SMAD2: variants seen among roughly 807,000 people sequenced by gnomAD.
SMAD2 encodes the protein MAD homolog 2.
A neutral mutation model predicts 64.4 loss-of-function variants in SMAD2; 8 were observed. The observed-to-expected ratio is 0.12, with a 90% confidence interval of 0.07 to 0.22. SMAD2 has a LOEUF of 0.22. Ranked by LOEUF, SMAD2 falls within the 10% of genes least tolerant of loss-of-function variation. SMAD2 has a pLI of 1.00. For missense variants in SMAD2, 289 were observed against 561.2 expected, an observed-to-expected ratio of 0.51 and a Z score of 4.90; for synonymous variants, 203 against 195.8, an observed-to-expected ratio of 1.04 and a Z score of -0.31.
intron 1 of SMAD2, among the ~76,000 whole-genome samples, chr18:47,921,739 G>A (rs1350240360): frequency 6.6e-6 from 1 of 152,066 alleles, no homozygotes; most frequent in Non-Finnish European, 1.5e-5. Flanking sequence ...CTTATCTCTA[G>A]TAAATCCCCC....
intron 1 of SMAD2, among the ~76,000 whole-genome samples, chr18:47,915,822 TCCC>T (rs1437624504): frequency 6.6e-6 from 1 of 152,088 alleles, no homozygotes; most frequent in Non-Finnish European, 1.5e-5. Flanking sequence ...CAATCCACCT[TCCC>T]CCGTCAGGCA....
In SMAD2 at chr18:47,827,625, C is replaced by T. The variant is rs1247690298; in HGVS notation, c.*14202G>A. ...CCTGCCGAGTGCCTGGGATTGCAGACGCGCGCCGCCACGCCTGACTGGTTT... is the reference window on the plus strand; with the variant it reads ...CCTGCCGAGTGCCTGGGATTGCAGATGCGCGCCGCCACGCCTGACTGGTTT... On this transcript the variant is annotated 3_prime_UTR_variant, in exon 11 of 11. Transcript: ENST00000262160. The T allele has an allele frequency of 1.2e-4, 19 of 157,942 alleles. 1 individual carries two copies. Among genetic ancestry groups the T allele is most frequent in the Non-Finnish European group, 1.7e-4 (12 of 72,600 alleles). The allele number at this position is 157,942 out of a possible 1,614,324, so 9.8% of individuals were successfully genotyped here. A position where few individuals can be genotyped will look rare whatever the true frequency, so the allele number is the denominator to read the frequency against.
rs2144271372 is a variant in SMAD2 at position 47,840,018 on chromosome 18, C to G, written c.*1809G>C. 8.6e-6 allele frequency: 2 copies of G among 233,150 alleles called. 1 individual carries two copies. Among genetic ancestry groups the G allele is most frequent in the South Asian group, 3.6e-4 (2 of 5,528 alleles). 14.4% of individuals were successfully genotyped at this position (233,150 alleles called of 1,614,324 possible). On this transcript the variant is annotated 3_prime_UTR_variant, in exon 11 of 11. Coordinates refer to ENST00000262160, the MANE Select transcript of SMAD2 (RefSeq NM_005901.6). Reference sequence around the variant, plus strand: ...CAGCAAAGGCAGGAACTGTAGTTGTCTTGTTCACCTTTACCCAAAGACTAA... The same window carrying G: ...CAGCAAAGGCAGGAACTGTAGTTGTGTTGTTCACCTTTACCCAAAGACTAA...
At chr18:47,889,818 A>G (rs1035149172) in intron 2 of SMAD2, among the ~76,000 whole-genome samples, 10 of 151,732 alleles carry the variant, frequency 6.6e-5, no homozygotes, top group African/African-American at 2.4e-4. Flanking sequence ...TTGGGAAAAC[A>G]AAAGATTACT....
rs1216395389 is a variant in SMAD2 at position 47,817,861 on chromosome 18, A to T, written c.*23966T>A. The T allele has an allele frequency of 6.6e-6, 1 of 152,254 alleles. No homozygotes were observed. Among genetic ancestry groups the T allele is most frequent in the Admixed American group, 6.5e-5 (1 of 15,290 alleles). 9.4% of individuals were successfully genotyped at this position (152,254 alleles called of 1,614,324 possible). Reference sequence around the variant, plus strand: ...TAAAGCCACTAGGGCAATCGCCACCAGTTAAAACACTGGTCCAAACACCTG... The same window carrying T: ...TAAAGCCACTAGGGCAATCGCCACCTGTTAAAACACTGGTCCAAACACCTG... On this transcript the variant is annotated 3_prime_UTR_variant, in exon 11 of 11. Coordinates refer to ENST00000262160, the MANE Select transcript of SMAD2 (RefSeq NM_005901.6).
chr18:47,856,674 A>T (rs1426077657), intron 6 of SMAD2, among the ~76,000 whole-genome samples: 3 of 152,156 alleles, frequency 2.0e-5, no homozygotes, highest in Non-Finnish European at 2.9e-5. Context: ...CAAGAACAGG[A>T]ACTCTAGAAT....
At chr18:47,885,189 C>T (rs1271007892) in intron 2 of SMAD2, among the ~76,000 whole-genome samples, 1 of 145,146 alleles carries the variant, frequency 6.9e-6, no homozygotes, top group East Asian at 2.0e-4. Flanking sequence ...ACACATATAC[C>T]CTCCCCCCCC....
Position 47,840,213 on chromosome 18 carries a change from G to C in SMAD2, c.*1614C>G, listed in dbSNP as rs1228304962. ...AAGTATTGAAAATGATACCTATAGA[G>C]ACAGGTGGATATGATTTCAAAGAAC... On this transcript the variant is annotated 3_prime_UTR_variant, in exon 11 of 11. Coordinates refer to ENST00000262160, the MANE Select transcript of SMAD2 (RefSeq NM_005901.6). The C allele has an allele frequency of 4.3e-6, 1 of 232,952 alleles. No individual in the cohort carries two copies. The highest frequency in any genetic ancestry group is 2.2e-5 in the African/African-American group (1 of 45,326). 14.4% of individuals were successfully genotyped at this position (232,952 alleles called of 1,614,324 possible).
At chr18:47,908,982 T>C (rs1262497067) in intron 1 of SMAD2, among the ~76,000 whole-genome samples, 3 of 151,862 alleles carry the variant, frequency 2.0e-5, no homozygotes, top group East Asian at 1.9e-4. Context: ...AAAACTCCAA[T>C]TGCTTGGTAT....
chr18:47,858,181 GA>G (rs1431205232), intron 6 of SMAD2, among the ~76,000 whole-genome samples: 1 of 152,038 alleles, frequency 6.6e-6, no homozygotes, highest in East Asian at 1.9e-4. Flanking sequence ...CCATAATCAA[GA>G]GATAAAACAG....
At chr18:47,930,757 C>T (rs1192287567), upstream of SMAD2, 6 of 147,016 alleles carry the variant, frequency 4.1e-5, no homozygotes, top group African/African-American at 1.5e-4. Context: ...CCGCTTCCGC[C>T]CTCCGCCCTC....
chr18:47,927,242 T>A (rs745635605), intron 1 of SMAD2, among the ~76,000 whole-genome samples: 1 of 152,196 alleles, frequency 6.6e-6, no homozygotes, highest in Non-Finnish European at 1.5e-5. Flanking sequence ...ACTGGCCGTA[T>A]CTTCAGTTTG....
In SMAD2 at chr18:47,831,634, G is replaced by A. The variant is rs537103055; in HGVS notation, c.*10193C>T. ...GCACAGTAATACATTCTGTTCTCAT[G>A]TAGCTTCCTAAGTATGCTTAGTCTA... On this transcript the variant is annotated 3_prime_UTR_variant, in exon 11 of 11. Coordinates refer to ENST00000262160, the MANE Select transcript of SMAD2 (RefSeq NM_005901.6). 4 of 152,216 alleles carry A rather than the reference G, an allele frequency of 2.6e-5. No individual in the cohort carries two copies. In the South Asian group the frequency reaches 8.3e-4, roughly 32 times the overall value. The allele number at this position is 152,216 out of a possible 1,614,324, so 9.4% of individuals were successfully genotyped here. A position where few individuals can be genotyped will look rare whatever the true frequency, so the allele number is the denominator to read the frequency against.
chr18:47,918,675 C>G (rs1048085892), intron 1 of SMAD2, among the ~76,000 whole-genome samples: 1 of 151,960 alleles, frequency 6.6e-6, no homozygotes, highest in Non-Finnish European at 1.5e-5. Context: ...ACTGAGCAAC[C>G]CTGAAGAAAG....
rs1180968169 is a variant in SMAD2 at position 47,840,186 on chromosome 18, G to GAA, written c.*1639_*1640dup. On this transcript the variant is annotated 3_prime_UTR_variant, in exon 11 of 11. Coordinates refer to ENST00000262160, the MANE Select transcript of SMAD2 (RefSeq NM_005901.6). ...ACCCAATAGAAAACCACCAAATGTTGAAAGTATTGAAAATGATACCTATAG... is the reference window on the plus strand; with the variant it reads ...ACCCAATAGAAAACCACCAAATGTTGAAAAAGTATTGAAAATGATACCTATAG... 4.3e-6 allele frequency: 1 copy of GAA among 232,926 alleles called. No individual in the cohort carries two copies. Among genetic ancestry groups the GAA allele is most frequent in the Admixed American group, 5.6e-5 (1 of 17,776 alleles). 14.4% of individuals were successfully genotyped at this position (232,926 alleles called of 1,614,324 possible).
At chr18:47,887,168 C>G (rs1171386635) in intron 2 of SMAD2, among the ~76,000 whole-genome samples, 1 of 152,214 alleles carries the variant, frequency 6.6e-6, no homozygotes, top group Non-Finnish European at 1.5e-5. Context: ...TTTATCCTGT[C>G]TGCACAAAAT....
At position 47,828,593 on chromosome 18, in the gene SMAD2, A is replaced by C. The variant is rs575245006; in HGVS notation, c.*13234T>G. 1,022 of 164,736 alleles carry C rather than the reference A, an allele frequency of 6.2e-3. 4 individuals carry two copies. Among genetic ancestry groups the C allele is most frequent in the Non-Finnish European group, 9.0e-3 (704 of 78,060 alleles). 10.2% of individuals were successfully genotyped at this position (164,736 alleles called of 1,614,324 possible). A position where few individuals can be genotyped will look rare whatever the true frequency, so the allele number is the denominator to read the frequency against. Reference sequence around the variant, plus strand: ...TCCATTTTGTTCTGTACTAGGAAAAATTCTTCTGCCTTGGGATGCTGTTAA... The same window carrying C: ...TCCATTTTGTTCTGTACTAGGAAAACTTCTTCTGCCTTGGGATGCTGTTAA... On this transcript the variant is annotated 3_prime_UTR_variant, in exon 11 of 11. Coordinates refer to ENST00000262160, the MANE Select transcript of SMAD2 (RefSeq NM_005901.6).
In SMAD2 at chr18:47,829,772, G is replaced by A. The variant is rs571846559; in HGVS notation, c.*12055C>T. The A allele has an allele frequency of 6.6e-6, 1 of 152,246 alleles. No individual in the cohort carries two copies. Among genetic ancestry groups the A allele is most frequent in the African/African-American group, 2.4e-5 (1 of 41,542 alleles). 9.4% of individuals were successfully genotyped at this position (152,246 alleles called of 1,614,324 possible). A position where few individuals can be genotyped will look rare whatever the true frequency, so the allele number is the denominator to read the frequency against. On this transcript the variant is annotated 3_prime_UTR_variant, in exon 11 of 11. Coordinates refer to ENST00000262160, the MANE Select transcript of SMAD2 (RefSeq NM_005901.6). ...CCTAAAATTTAGTTTACCAAATGTAGCTTTTTATGTTTTATGTTTTACCAA... is the reference window on the plus strand; with the variant it reads ...CCTAAAATTTAGTTTACCAAATGTAACTTTTTATGTTTTATGTTTTACCAA...
chr18:47,864,548 C>T (rs777389101), intron 6 of SMAD2, among the ~76,000 whole-genome samples: 9 of 152,064 alleles, frequency 5.9e-5, no homozygotes, highest in Non-Finnish European at 1.3e-4. Context: ...TTACGTAAGA[C>T]GTGATTTAAA....
Sources: allele counts gnomAD v4.1 joint callset (sites outside exome capture counted in the v4.1 genomes callset), GRCh38; gene constraint gnomAD v4.1.1; transcripts MANE v1.5; gene names NCBI Gene and HGNC (gene_info 2026-07-23, HGNC 2026-07-21).